Variants in PGAP2 observed in about 807,000 individuals in gnomAD.
The protein encoded by PGAP2 is post-GPI attachment to proteins 2.
Under a neutral mutation model 33.2 loss-of-function variants are expected in PGAP2, and 21 were observed. The observed-to-expected ratio is 0.63, with a 90% CI of 0.45 to 0.91. PGAP2 has a LOEUF of 0.91. Ranked by LOEUF, PGAP2 falls within the 40% of genes least tolerant of loss-of-function variation. The probability of loss-of-function intolerance (pLI) is 0.00; values close to 1 mark genes in which losing one functional copy is unlikely to be tolerated. For synonymous variants in PGAP2, 161 were observed against 172.9 expected, an observed-to-expected ratio of 0.93 and a Z score of 0.54; for missense variants, 345 against 424.0, an observed-to-expected ratio of 0.81 and a Z score of 1.64.
chr11:3,824,944 G>C, intron 5 of PGAP2, 76 bp from the exon 6 acceptor site: 1 of 1,598,450 alleles, frequency 6.3e-7, no homozygotes, highest in East Asian at 2.2e-5. Flanking sequence ...CCAGCCCTTA[G>C]GAGTTAGGGC....
upstream of PGAP2, among the ~76,000 whole-genome samples, chr11:3,805,982 C>T (rs911162226): frequency 2.2e-5 from 3 of 135,256 alleles, no homozygotes; most frequent in African/African-American, 2.7e-5. Flanking sequence ...ACCACGCCCC[C>T]GCGAGACCTT....
At chr11:3,808,131 CA>C, upstream of PGAP2, 1 of 1,458,394 alleles carries the variant, frequency 6.9e-7, no homozygotes, top group Non-Finnish European at 9.2e-7. Context: ...CCCTGACGAG[CA>C]AAGTTTGGGG....
At chr11:3,806,458 C>T (rs1011168594), upstream of PGAP2, among the ~76,000 whole-genome samples, 1 of 152,156 alleles carries the variant, frequency 6.6e-6, no homozygotes, top group Non-Finnish European at 1.5e-5. Flanking sequence ...GACTTCGGAG[C>T]CCCTCAGAGT....
At chr11:3,797,749 A>T, upstream of PGAP2, 1 of 1,426,688 alleles carries the variant, frequency 7.0e-7, no homozygotes, top group Non-Finnish European at 9.5e-7. Context: ...ACAGGGTAGG[A>T]GCGGTGAGAG....
At chr11:3,823,180 C>A (rs1478516989) in intron 3 of PGAP2, among the ~76,000 whole-genome samples, 1 of 151,430 alleles carries the variant, frequency 6.6e-6, no homozygotes, top group Non-Finnish European at 1.5e-5. Flanking sequence ...GGACTACGGG[C>A]GCTGGCCACC....
rs541147939 is a variant in PGAP2, at chr11:3,815,138, T to C, written c.166-2215T>C. Among the ~76,000 whole-genome samples, 41 of 151,910 alleles carry C rather than the reference T, an allele frequency of 2.7e-4. No individual in the cohort carries two copies. The Middle Eastern group carries it at 0.01, about 38-fold the overall frequency. ...ATTTTTAGGAGAGATGGGGTTTCAC[T>C]ATGCTGGCCAGGCTGAAGCTTTTAC... is the stretch of plus-strand genomic sequence containing the variant. On this transcript the variant is annotated intron_variant, in intron 2 of 6. Coordinates refer to ENST00000278243, the MANE Select transcript of PGAP2 (RefSeq NM_014489.4).
In PGAP2 at chr11:3,824,563, G is replaced by A. The variant is rs1216273062; in HGVS notation, c.708+187G>A. 29 of 870,416 alleles carry A rather than the reference G, an allele frequency of 3.3e-5. No individual in the cohort carries two copies. The East Asian group carries it at 7.7e-4, about 23-fold the overall frequency. 53.9% of individuals were successfully genotyped at this position (870,416 alleles called of 1,614,324 possible). A position where few individuals can be genotyped will look rare whatever the true frequency, so the allele number is the denominator to read the frequency against. ...TGGTTGGTCAGAATCTAGGACTATA[G>A]CACTGTGTTTGGGTAGTGTGGGAGA... is the stretch of plus-strand genomic sequence containing the variant. On this transcript the variant is annotated intron_variant, in intron 5 of 6. Transcript: ENST00000278243.
At chr11:3,810,656 G>A (rs1196016849) in intron 1 of PGAP2, among the ~76,000 whole-genome samples, 1 of 152,208 alleles carries the variant, frequency 6.6e-6, no homozygotes, top group Non-Finnish European at 1.5e-5. Flanking sequence ...GGGGGCACGT[G>A]AGGGAGCAGG....
intron 1 of PGAP2, among the ~76,000 whole-genome samples, chr11:3,800,680 C>T (rs2134105052): frequency 6.6e-6 from 1 of 151,928 alleles, no homozygotes; most frequent in East Asian, 1.9e-4. Context: ...GGCGTGGTGG[C>T]ACATACCTGT....
chr11:3,808,966 G>A (rs1456937548), intron 1 of PGAP2, among the ~76,000 whole-genome samples: 1 of 152,228 alleles, frequency 6.6e-6, no homozygotes, highest in African/African-American at 2.4e-5. Context: ...AGTTTTGAAT[G>A]GCAGCTGTGC....
rs150486631 is a variant in PGAP2 at position 3,811,388 on chromosome 11, C to A, written c.129C>A (p.Leu43=). 1.4e-4 allele frequency: 233 copies of A among 1,613,926 alleles called. 1 individual carries two copies. Among genetic ancestry groups the A allele is most frequent in the Admixed American group, 9.2e-4 (55 of 59,994 alleles). ...AFLFCILWSL[L]FHFKETTATH... Reference sequence around the variant, plus strand: ...TCTTCTGCATCCTCTGGTCCCTGCTCTTCCACTTCAAGGAGACAACGGCCA... The same window carrying A: ...TCTTCTGCATCCTCTGGTCCCTGCTATTCCACTTCAAGGAGACAACGGCCA... Residue 43 remains leucine (L), a synonymous_variant, in exon 2 of 7, where the codon CTC becomes CTA. Coordinates refer to ENST00000278243, the MANE Select transcript of PGAP2 (RefSeq NM_014489.4). This position sits in a 1 kb window ranked among gnomAD's most constrained non-coding sequence, Gnocchi z 4.6.
intron 5 of PGAP2, 159 bp from the exon 6 acceptor site, chr11:3,824,861 A>C: frequency 1.4e-6 from 2 of 1,452,608 alleles, no homozygotes; most frequent in East Asian, 2.5e-5. Flanking sequence ...ACGTGAACAC[A>C]TAGTCGTCAT....
intron 1 of PGAP2, chr11:3,798,201 C>T: frequency 8.0e-7 from 1 of 1,246,750 alleles, no homozygotes; most frequent in South Asian, 1.9e-5. Context: ...TCTTTCCCTC[C>T]CTGAATTTCT....
At chr11:3,822,906 A>G in intron 3 of PGAP2, 1 of 1,489,106 alleles carries the variant, frequency 6.7e-7, no homozygotes, top group Non-Finnish European at 9.1e-7. Context: ...CTTTTTCCTT[A>G]AGGACTGAAG....
At chr11:3,813,616 C>A (rs2086085661) in intron 2 of PGAP2, among the ~76,000 whole-genome samples, 1 of 152,116 alleles carries the variant, frequency 6.6e-6, no homozygotes, top group Non-Finnish European at 1.5e-5. Flanking sequence ...AACTCCTGAC[C>A]TCAAGTGATC....
intron 2 of PGAP2, among the ~76,000 whole-genome samples, chr11:3,815,429 C>T (rs961493201): frequency 6.6e-6 from 1 of 152,128 alleles, no homozygotes; most frequent in African/African-American, 2.4e-5. Context: ...CTGTCTCAGC[C>T]TCCCGAGTAG....
At chr11:3,818,784 C>T (rs144814015) in intron 3 of PGAP2, among the ~76,000 whole-genome samples, 7 of 152,172 alleles carry the variant, frequency 4.6e-5, no homozygotes, top group Non-Finnish European at 1.0e-4. Flanking sequence ...TCCTTAGACA[C>T]AGACTGTCAC....
At chr11:3,808,542 G>T (rs928047593), upstream of PGAP2, 32 of 1,393,452 alleles carry the variant, frequency 2.3e-5, no homozygotes, top group African/African-American at 4.6e-4. Flanking sequence ...CCCCGAGAGC[G>T]CCGGCCCCGC....
At chr11:3,803,798 T>TA (rs34013945), upstream of PGAP2, among the ~76,000 whole-genome samples, 6,565 of 35,128 alleles carry the variant, frequency 0.19, 249 homozygotes, top group African/African-American at 0.27. Context: ...TATATATATA[T>TA]TTTTTTTTTT....
Sources: allele counts gnomAD v4.1 joint callset (sites outside exome capture counted in the v4.1 genomes callset), GRCh38; gene constraint gnomAD v4.1.1; non-coding constraint Gnocchi (gnomAD v3.1); transcripts MANE v1.5; gene names NCBI Gene and HGNC (gene_info 2026-07-23, HGNC 2026-07-21).